The following UNC79 variants were observed in gnomAD, a reference collection of about 807,000 sequenced individuals.
The protein encoded by UNC79 is unc-79 subunit of NALCN channel complex.
A neutral mutation model predicts 283.1 loss-of-function variants in UNC79; 37 were observed. The ratio of observed to expected loss-of-function variants is 0.13; its 90% CI spans 0.10 to 0.17. The LOEUF (loss-of-function observed/expected upper bound fraction) is 0.17, where lower values mean the gene tolerates loss of function less well. UNC79 is among the 10% of genes least tolerant of loss of function. The pLI is 1.00. For missense variants in UNC79, 2,272 were observed against 3,211.1 expected (o/e 0.71, Z 7.07); for synonymous variants, 1,107 against 1,200.2 (o/e 0.92, Z 1.61).
At chr14:93,347,150 G>GC (rs897693393) in intron 1 of UNC79, 126 of 1,217,232 alleles carry the variant, frequency 1.0e-4, no homozygotes, top group East Asian at 5.1e-4. Flanking sequence ...AGGGCAGAGC[G>GC]CCCCCTCGTG....
chr14:93,537,109 G>T (rs577853958), intron 11 of UNC79, among the ~76,000 whole-genome samples: 29 of 152,268 alleles, frequency 1.9e-4, no homozygotes, highest in Non-Finnish European at 2.6e-4. Context: ...CCCCTTGGGG[G>T]TGTTCACATC....
At chr14:93,338,663 T>C (rs747286809) in intron 1 of UNC79, among the ~76,000 whole-genome samples, 15 of 152,094 alleles carry the variant, frequency 9.9e-5, no homozygotes, top group Non-Finnish European at 2.2e-4. Flanking sequence ...TCCCAGCAGG[T>C]TGGAAGGCCC....
chr14:93,610,291 C>T (rs1165802983), intron 26 of UNC79, among the ~76,000 whole-genome samples: 1 of 152,164 alleles, frequency 6.6e-6, no homozygotes, highest in African/African-American at 2.4e-5. Flanking sequence ...AACAAAGGAG[C>T]AACTTCCTCT....
At chr14:93,630,997 T>C in intron 31 of UNC79, 89 bp downstream of exon 33, 1 of 1,194,476 alleles carries the variant, frequency 8.4e-7, no homozygotes, top group Non-Finnish European at 1.2e-6. Context: ...AATCTTGGTA[T>C]TGTATATATA....
At chr14:93,580,977 G>T (rs1342186937) in intron 19 of UNC79, among the ~76,000 whole-genome samples, 2 of 152,018 alleles carry the variant, frequency 1.3e-5, no homozygotes, top group Non-Finnish European at 2.9e-5. Context: ...CCAAAGTGCT[G>T]GGATTACAGG....
At position 93,624,501 on chromosome 14, in the gene UNC79, C is replaced by T. The variant is rs988219155; in HGVS notation, c.5608+1660C>T. 3.3e-5 allele frequency among the ~76,000 whole-genome samples: 5 copies of T among 152,156 alleles called. No homozygotes were observed. The East Asian group carries it at 9.7e-4, about 29-fold the overall frequency. ...AAGCTGAGGTCTACAGGGTGAGTCTCTGTGATGTGTAGGTTGCATGTAGGT... is the reference window on the plus strand; with the variant it reads ...AAGCTGAGGTCTACAGGGTGAGTCTTTGTGATGTGTAGGTTGCATGTAGGT... On this transcript the variant is annotated intron_variant, in intron 30 of 48. Coordinates refer to ENST00000555664, the Ensembl canonical transcript of UNC79.
At chr14:93,668,682 C>G (rs927263058) in intron 40 of UNC79, among the ~76,000 whole-genome samples, 1 of 150,960 alleles carries the variant, frequency 6.6e-6, no homozygotes, top group South Asian at 2.1e-4. Context: ...CTGTCTCTAC[C>G]AAAATACAAA....
At chr14:93,418,737 TC>T (rs1171780494) in intron 1 of UNC79, among the ~76,000 whole-genome samples, 1 of 151,638 alleles carries the variant, frequency 6.6e-6, no homozygotes, top group East Asian at 2.0e-4. Context: ...TGGGCGCCCC[TC>T]CCCCAGCCTC....
chr14:93,341,604 CAAAAAA>C lies in UNC79; in HGVS notation c.-351+8096_-351+8101del, dbSNP rs952789518. Among the ~76,000 whole-genome samples, 4 of 62,744 alleles carry C rather than the reference CAAAAAA, an allele frequency of 6.4e-5. No individual in the cohort carries two copies. In the East Asian group the frequency reaches 1.6e-3, roughly 26 times the overall value. 41.2% of individuals were successfully genotyped at this position (62,744 alleles called of 152,430 possible). On this transcript the variant is annotated intron_variant, in intron 1 of 49. Coordinates refer to the UNC79 transcript ENST00000256339. ...GCAAAATTGTGAGACTCTGTCTCTA[CAAAAAA>C]AAAAAAAAAAAAAATTAGCTGGGCA...
chr14:93,549,030 T>A (rs2061742673), intron 14 of UNC79, among the ~76,000 whole-genome samples: 1 of 152,188 alleles, frequency 6.6e-6, no homozygotes, highest in Non-Finnish European at 1.5e-5. Flanking sequence ...AAAAAGAACA[T>A]CCTTTTTAAC....
At chr14:93,671,633 A>C (rs2072872589) in intron 40 of UNC79, among the ~76,000 whole-genome samples, 1 of 152,052 alleles carries the variant, frequency 6.6e-6, no homozygotes, top group African/African-American at 2.4e-5. Flanking sequence ...TTAACTGGGC[A>C]TGATGGCACA....
At position 93,570,172 on chromosome 14, in the gene UNC79, C is replaced by T. The variant is rs114085516; in HGVS notation, c.1756-1722C>T. On this transcript the variant is annotated intron_variant, in intron 14 of 48. Coordinates refer to ENST00000555664, the Ensembl canonical transcript of UNC79. ...CTGTGCTGCTCAGGCTGGTCTTGAA[C>T]TCCTGGCCTCAGGCGATCTTTTTGC... is the stretch of plus-strand genomic sequence containing the variant. Among the ~76,000 whole-genome samples the T allele has an allele frequency of 2.4e-3, 367 of 152,298 alleles. 4 individuals carry two copies. The highest frequency in any genetic ancestry group is 8.5e-3 in the African/African-American group (353 of 41,552).
intron 1 of UNC79, among the ~76,000 whole-genome samples, chr14:93,385,283 G>T (rs961543852): frequency 6.6e-6 from 1 of 152,192 alleles, no homozygotes; most frequent in African/African-American, 2.4e-5. Context: ...TAACAATATT[G>T]ATTCTTCCAA....
chr14:93,534,614 G>T (rs892740875), intron 11 of UNC79, among the ~76,000 whole-genome samples: 1 of 152,230 alleles, frequency 6.6e-6, no homozygotes, highest in Admixed American at 6.5e-5. Flanking sequence ...ACTTTCTGAA[G>T]CCTTAACAAA....
chr14:93,658,414 ACTC>A (rs1333493252), intron 38 of UNC79, among the ~76,000 whole-genome samples: 4 of 150,440 alleles, frequency 2.7e-5, no homozygotes, highest in Admixed American at 6.6e-5. Flanking sequence ...CACTTGGAAA[ACTC>A]CTGCTTATTT....
intron 22 of UNC79, among the ~76,000 whole-genome samples, 161 bp from the exon 23 acceptor site, chr14:93,593,519 C>T (rs534239836): frequency 3.3e-5 from 5 of 152,270 alleles, no homozygotes; most frequent in South Asian, 2.1e-4. Flanking sequence ...GCATAGGAAA[C>T]GTCTGTCAGA....
intron 20 of UNC79, among the ~76,000 whole-genome samples, chr14:93,585,722 T>G (rs1376880074): frequency 2.0e-5 from 3 of 152,130 alleles, no homozygotes; most frequent in Admixed American, 2.0e-4. Context: ...GCCCCCAGTA[T>G]GGGGGCAAAA....
chr14:93,492,502 T>C (rs921140469), intron 5 of UNC79, among the ~76,000 whole-genome samples: 2 of 152,144 alleles, frequency 1.3e-5, no homozygotes, highest in Admixed American at 6.5e-5. Flanking sequence ...TACAGGCACA[T>C]GCCACCATGC....
At chr14:93,418,371 C>G (rs1204824731) in intron 1 of UNC79, among the ~76,000 whole-genome samples, 2 of 151,682 alleles carry the variant, frequency 1.3e-5, no homozygotes, top group East Asian at 3.9e-4. Flanking sequence ...TCTGATCATT[C>G]CTCTGGAAGT....
Sources: gnomAD v4.1 joint callset for allele counts (sites outside exome capture counted in the v4.1 genomes callset) on GRCh38, gnomAD v4.1.1 for gene constraint, MANE v1.5 for transcripts, NCBI Gene and HGNC (gene_info 2026-07-23, HGNC 2026-07-21) for gene names.